Variants in AKAP13 observed in about 807,000 individuals in gnomAD.
AKAP13 encodes A-kinase anchoring protein 13.
Under a neutral mutation model 264.5 loss-of-function variants are expected in AKAP13, and 80 were observed. The ratio of observed to expected loss-of-function variants is 0.30; its 90% CI spans 0.25 to 0.36. The LOEUF is 0.36. Among genes scored for constraint, AKAP13 ranks in the 10% least tolerant of loss-of-function variants. The pLI is 1.00. For synonymous variants in AKAP13, 1,380 were observed against 1,250.2 expected, an observed-to-expected ratio of 1.10 and a Z score of -2.19; for missense variants, 3,712 against 3,435.2, an observed-to-expected ratio of 1.08 and a Z score of -2.01.
chr15:85,482,408 G>T (rs2075378977), intron 1 of AKAP13, among the ~76,000 whole-genome samples: 1 of 152,124 alleles, frequency 6.6e-6, no homozygotes, highest in Non-Finnish European at 1.5e-5. Flanking sequence ...TAATATCTAT[G>T]AAGGTAGGGA....
At chr15:85,465,958 C>T (rs901633858) in intron 1 of AKAP13, among the ~76,000 whole-genome samples, 2 of 150,682 alleles carry the variant, frequency 1.3e-5, no homozygotes, top group South Asian at 2.1e-4. Context: ...AACTAGTTTA[C>T]AGTCCCACCA....
intron 2 of AKAP13, among the ~76,000 whole-genome samples, chr15:85,494,498 C>G (rs112274679): frequency 8.1e-4 from 124 of 152,314 alleles, no homozygotes; most frequent in African/African-American, 2.8e-3. Context: ...GTCACTTCCT[C>G]TGTCCTCTCA....
intron 13 of AKAP13, among the ~76,000 whole-genome samples, chr15:85,668,912 C>T (rs889142844): frequency 1.3e-5 from 2 of 151,690 alleles, no homozygotes; most frequent in African/African-American, 4.9e-5. Context: ...CACTGCACTC[C>T]AGCCTGGGCG....
intron 5 of AKAP13, among the ~76,000 whole-genome samples, chr15:85,563,343 T>TTTG (rs1167762525): frequency 2.9e-5 from 4 of 138,186 alleles, no homozygotes; most frequent in Non-Finnish European, 6.1e-5. Flanking sequence ...TTTTTTTTTT[T>TTTG]TTTTTTTTTT....
intron 30 of AKAP13, among the ~76,000 whole-genome samples, chr15:85,734,663 A>G (rs2088308174): frequency 6.6e-6 from 1 of 152,216 alleles, no homozygotes; most frequent in African/African-American, 2.4e-5. Flanking sequence ...AAATCAATCC[A>G]TCTTACTTTC....
At chr15:85,549,588 G>A (rs1460178392) in intron 5 of AKAP13, among the ~76,000 whole-genome samples, 1 of 152,142 alleles carries the variant, frequency 6.6e-6, no homozygotes, top group Non-Finnish European at 1.5e-5. Flanking sequence ...GAAATATGGA[G>A]GCTCAGATAA....
At chr15:85,450,328 C>T (rs376297585) in intron 1 of AKAP13, among the ~76,000 whole-genome samples, 24 of 150,946 alleles carry the variant, frequency 1.6e-4, no homozygotes, top group South Asian at 4.2e-4. Flanking sequence ...ATTAGTTTAG[C>T]GATCTTTTGA....
At chr15:85,682,831 C>T (rs569806219) in intron 15 of AKAP13, among the ~76,000 whole-genome samples, 1 of 152,248 alleles carries the variant, frequency 6.6e-6, no homozygotes, top group Admixed American at 6.5e-5. Flanking sequence ...CCATGCCCAG[C>T]TAATTTTGTA....
chr15:85,392,459 T>G (rs1389820537), intron 1 of AKAP13, among the ~76,000 whole-genome samples: 1 of 152,120 alleles, frequency 6.6e-6, no homozygotes, highest in East Asian at 1.9e-4. Context: ...TTCACCATGT[T>G]GGCCAGTATG....
At chr15:85,591,913 A>G (rs1384810633) in intron 8 of AKAP13, among the ~76,000 whole-genome samples, 2 of 152,210 alleles carry the variant, frequency 1.3e-5, no homozygotes, top group Non-Finnish European at 2.9e-5. Flanking sequence ...CTAACAGTCA[A>G]ACACTCAAGA....
chr15:85,724,219 G>T lies in AKAP13; in HGVS notation c.6745+899G>T, dbSNP rs1195981112. On this transcript the variant is annotated intron_variant, in intron 26 of 36. Transcript: ENST00000394518. The surrounding 1 kb of genome is among the most constrained non-coding windows in gnomAD (Gnocchi z 4.2). ...GATAACTGCTATAGGAAATGCCCAC[G>T]CATAGAACAAATGGTAAAGAAGTTC... Among the ~76,000 whole-genome samples the T allele has an allele frequency of 6.6e-6, 1 of 152,172 alleles. No individual in the cohort carries two copies. The highest frequency in any genetic ancestry group is 2.1e-4 in the South Asian group (1 of 4,832).
At chr15:85,653,986 G>A (rs1320193463) in intron 10 of AKAP13, among the ~76,000 whole-genome samples, 1 of 152,104 alleles carries the variant, frequency 6.6e-6, no homozygotes, top group Non-Finnish European at 1.5e-5. Context: ...CCAGTAGCTG[G>A]GATTACAGGC....
intron 5 of AKAP13, among the ~76,000 whole-genome samples, chr15:85,558,940 C>CCCT (rs998635420): frequency 1.3e-5 from 2 of 151,538 alleles, no homozygotes; most frequent in African/African-American, 2.4e-5. Context: ...CCTTTCCCCT[C>CCCT]CCTCCTCCTC....
At chr15:85,554,946 A>G (rs2078088996) in intron 5 of AKAP13, among the ~76,000 whole-genome samples, 1 of 152,192 alleles carries the variant, frequency 6.6e-6, no homozygotes, top group Admixed American at 6.5e-5. Flanking sequence ...CATAGACAGT[A>G]GTTGCTTCAA....
intron 12 of AKAP13, 56 bp downstream of exon 12, chr15:85,658,646 C>A: frequency 1.4e-6 from 2 of 1,471,168 alleles, no homozygotes; most frequent in South Asian, 1.2e-5. Flanking sequence ...CATATACTAA[C>A]AAGCATCTCA....
chr15:85,655,840 A>G (rs1451202960), intron 11 of AKAP13, 53 bp downstream of exon 11: 1 of 1,542,954 alleles, frequency 6.5e-7, no homozygotes, highest in East Asian at 2.3e-5. Context: ...GCTTTTGAGA[A>G]GCTTCTGATT....
chr15:85,589,565 G>C (rs981381997), intron 8 of AKAP13, among the ~76,000 whole-genome samples: 6 of 150,600 alleles, frequency 4.0e-5, no homozygotes, highest in Non-Finnish European at 8.9e-5. Flanking sequence ...TGACCAGCCT[G>C]GCTAACATGG....
At chr15:85,522,462 A>G (rs2076856296) in intron 3 of AKAP13, among the ~76,000 whole-genome samples, 1 of 152,150 alleles carries the variant, frequency 6.6e-6, no homozygotes, top group Non-Finnish European at 1.5e-5. Flanking sequence ...CTATTGGTGG[A>G]GAGGGATGTA....
intron 5 of AKAP13, among the ~76,000 whole-genome samples, chr15:85,553,776 G>A (rs1419013514): frequency 2.0e-5 from 3 of 152,152 alleles, no homozygotes; most frequent in Admixed American, 6.5e-5. Flanking sequence ...GCGGGCGAGC[G>A]AGCATTACCA....
Sources: allele counts gnomAD v4.1 joint callset (sites outside exome capture counted in the v4.1 genomes callset), GRCh38; gene constraint gnomAD v4.1.1; non-coding constraint Gnocchi (gnomAD v3.1); transcripts MANE v1.5; gene names NCBI Gene and HGNC (gene_info 2026-07-23, HGNC 2026-07-21).